KIF27: variants seen among roughly 807,000 people sequenced by gnomAD.
The protein encoded by KIF27 is kinesin family member 27.
Under a neutral mutation model 141.8 loss-of-function variants are expected in KIF27, and 84 were observed. That is an observed-to-expected ratio of 0.59 (90% CI 0.50 to 0.71). The LOEUF (loss-of-function observed/expected upper bound fraction) is 0.71. Among genes scored for constraint, KIF27 ranks in the 30% least tolerant of loss-of-function variants. The probability of loss-of-function intolerance (pLI) is 0.00; values close to 1 mark genes in which losing one functional copy is unlikely to be tolerated. For missense variants in KIF27, 1,306 were observed against 1,628.4 expected (o/e 0.80, Z 3.41); for synonymous variants, 471 against 569.5 (o/e 0.83, Z 2.46).
Position 83,915,685 on chromosome 9 carries a change from A to G in KIF27, c.-87-7T>C, listed in dbSNP as rs2132811651. 3.1e-6 allele frequency: 4 copies of G among 1,304,930 alleles called. No homozygotes were observed. Among genetic ancestry groups the G allele is most frequent in the South Asian group, 3.1e-5 (2 of 64,546 alleles). The allele number at this position is 1,304,930 out of a possible 1,614,324, so 80.8% of individuals were successfully genotyped here. On this transcript the variant is annotated splice_region_variant and splice_polypyrimidine_tract_variant and intron_variant, in intron 1 of 17. Transcript: ENST00000297814. ...TTATGTAAGATCTGGATTCCTGTGC[A>G]ACAAAAATAAAAAGCAAATTTTAAT...
chr9:83,861,277 C>A (rs1949882408), intron 13 of KIF27, among the ~76,000 whole-genome samples: 1 of 151,718 alleles, frequency 6.6e-6, no homozygotes, highest in Admixed American at 6.6e-5. Context: ...TGTGCTGCAC[C>A]CATTAACTCA....
Position 83,908,461 on chromosome 9 carries a change from CT to C in KIF27, c.489del (p.Gly164GlufsTer4). The C allele has an allele frequency of 1.2e-6, 2 of 1,603,518 alleles. No homozygotes were observed. The highest frequency in any genetic ancestry group is 1.1e-5 in the South Asian group (1 of 88,954). On this transcript the variant is annotated frameshift_variant, in exon 3 of 18. Coordinates refer to ENST00000297814, the MANE Select transcript of KIF27 (RefSeq NM_017576.4). LOFTEE classifies it high-confidence loss of function. The stretch of plus-strand genomic sequence containing the variant: ...AAGTGTGCTACTTTACCTGTGTTTC[CT>C]TTTTCATCTTCTCGGATGTGAAGAT... Reference protein sequence around the residue: ...MKDLHIREDEKGNTVIVGAKE... With the variant: ...MKDLHIREDEXGNTVIVGAKE...
At position 83,883,780 on chromosome 9, in the gene KIF27, A is replaced by T. The variant is rs1463576216; in HGVS notation, c.2445+33T>A. On this transcript the variant is annotated intron_variant, in intron 10 of 17. Coordinates refer to ENST00000297814, the MANE Select transcript of KIF27 (RefSeq NM_017576.4). ...GAATCCTCAGAAGCAAGAAAGCTTA[A>T]ATAAGTTTTCTCAATTACATTTTTT... 2.1e-6 allele frequency: 3 copies of T among 1,460,006 alleles called. No homozygotes were observed. In the East Asian group the frequency reaches 6.8e-5, roughly 33 times the overall value. 90.4% of individuals were successfully genotyped at this position (1,460,006 alleles called of 1,614,324 possible). A position where few individuals can be genotyped will look rare whatever the true frequency, so the allele number is the denominator to read the frequency against.
chr9:83,880,628 CA>C (rs1951600119), intron 10 of KIF27, 134 bp from the exon 11 acceptor site: 1 of 735,892 alleles, frequency 1.4e-6, no homozygotes, highest in African/African-American at 1.8e-5. Context: ...GGTTTACAAA[CA>C]ATTGCTTACT....
At chr9:83,866,888 T>A (rs1202156217) in intron 13 of KIF27, among the ~76,000 whole-genome samples, 2 of 151,804 alleles carry the variant, frequency 1.3e-5, no homozygotes, top group Admixed American at 1.3e-4. Context: ...TATAATTCAA[T>A]GGTTTTTCAT....
intron 2 of KIF27, among the ~76,000 whole-genome samples, chr9:83,912,297 A>T (rs1350335957): frequency 1.3e-5 from 2 of 152,248 alleles, no homozygotes; most frequent in Non-Finnish European, 2.9e-5. Flanking sequence ...GTTTTTGGCA[A>T]CAATCGTTCT....
At chr9:83,900,543 G>A (rs1953765346) in intron 4 of KIF27, among the ~76,000 whole-genome samples, 2 of 142,164 alleles carry the variant, frequency 1.4e-5, no homozygotes, top group African/African-American at 5.1e-5. Context: ...AGGACTAAAA[G>A]TAGAACTACC....
chr9:83,908,218 C>T (rs1290991554), intron 3 of KIF27, among the ~76,000 whole-genome samples: 5 of 144,756 alleles, frequency 3.5e-5, no homozygotes, highest in Non-Finnish European at 7.5e-5. Context: ...GCCAAGATCG[C>T]ACCACTACAC....
At chr9:83,918,341 G>A (rs541707246) in intron 1 of KIF27, among the ~76,000 whole-genome samples, 3 of 148,478 alleles carry the variant, frequency 2.0e-5, no homozygotes, top group East Asian at 4.0e-4. Flanking sequence ...GGGCAGGACA[G>A]GGAGGGAGAG....
At chr9:83,848,966 C>T (rs1948209499) in intron 16 of KIF27, 1 of 152,142 alleles carries the variant, frequency 6.6e-6, no homozygotes. Context: ...GTGTGTGCCA[C>T]CACGCTTGGC....
chr9:83,891,269 T>C, intron 6 of KIF27, 26 bp downstream of exon 6: 3 of 1,594,472 alleles, frequency 1.9e-6, no homozygotes, highest in Non-Finnish European at 2.6e-6. Context: ...AATCTCCAAA[T>C]AAGGAAAAGA....
chr9:83,906,569 C>T (rs1261096148), intron 3 of KIF27, among the ~76,000 whole-genome samples: 2 of 151,692 alleles, frequency 1.3e-5, no homozygotes, highest in East Asian at 1.9e-4. Context: ...GGTGAAACCC[C>T]GTCTCTACAA....
At chr9:83,912,947 A>G (rs924330908) in intron 2 of KIF27, among the ~76,000 whole-genome samples, 1 of 152,014 alleles carries the variant, frequency 6.6e-6, no homozygotes, top group African/African-American at 2.4e-5. Context: ...ACTTGATCTC[A>G]GGTGTTCAAG....
intron 9 of KIF27, among the ~76,000 whole-genome samples, chr9:83,885,610 A>C (rs889171319): frequency 1.3e-5 from 2 of 151,820 alleles, no homozygotes; most frequent in Admixed American, 6.6e-5. Flanking sequence ...ACCACTAAAA[A>C]AATATACAGT....
At position 83,855,571 on chromosome 9, in the gene KIF27, TC is replaced by T. The variant is rs1209966231; in HGVS notation, c.3151-1737del. 2.0e-5 allele frequency among the ~76,000 whole-genome samples: 3 copies of T among 152,320 alleles called. No individual in the cohort carries two copies. In the East Asian group the frequency reaches 5.8e-4, roughly 29 times the overall value. ...TCCAATATAGAGTAAGTCCTTATCA[TC>T]AATAGGTTCTTGGAAACTGTGACTT... On this transcript the variant is annotated intron_variant, in intron 14 of 17. Coordinates refer to ENST00000297814, the MANE Select transcript of KIF27 (RefSeq NM_017576.4).
At position 83,859,351 on chromosome 9, in the gene KIF27, C is replaced by T. The variant is rs773502229; in HGVS notation, c.2955G>A (p.Leu985=). The T allele has an allele frequency of 6.2e-7, 1 of 1,614,042 alleles. No individual in the cohort carries two copies. ...RSSQALNTDS[L]KISTRLNLLE... ...GTAAGTTCAGGCGAGTTGATATTTT[C>T]AAACTATCTGTGTTTAAGGCCTAAA... is the stretch of plus-strand genomic sequence containing the variant. The change falls in exon 14 of 18, where the codon TTG becomes TTA. Residue 985 remains leucine (L), a synonymous_variant. Coordinates refer to ENST00000297814, the MANE Select transcript of KIF27 (RefSeq NM_017576.4).
chr9:83,919,686 G>A (rs994469279), intron 1 of KIF27, among the ~76,000 whole-genome samples: 2 of 147,276 alleles, frequency 1.4e-5, no homozygotes, highest in African/African-American at 2.5e-5. Context: ...CTTGAGCCCA[G>A]GAGTTCGAGA....
At chr9:83,896,170 G>C (rs757531542) in intron 5 of KIF27, among the ~76,000 whole-genome samples, 8 of 152,146 alleles carry the variant, frequency 5.3e-5, no homozygotes, top group Admixed American at 1.3e-4. Context: ...TTGAGCCCGG[G>C]AGGCAGAGGT....
chr9:83,902,048 C>T (rs1305715731), intron 4 of KIF27, among the ~76,000 whole-genome samples: 2 of 152,082 alleles, frequency 1.3e-5, no homozygotes, highest in African/African-American at 2.4e-5. Flanking sequence ...TGAGGGATCT[C>T]GCTTTAAAAG....
Sources: allele counts gnomAD v4.1 joint callset (sites outside exome capture counted in the v4.1 genomes callset), GRCh38; gene constraint gnomAD v4.1.1; transcripts MANE v1.5; gene names NCBI Gene and HGNC (gene_info 2026-07-23, HGNC 2026-07-21).